SH3GL3: variants seen among roughly 807,000 people sequenced by gnomAD.
The protein encoded by SH3GL3 is SH3 domain containing GRB2 like 3, endophilin A3.
SH3GL3 carries 33 observed loss-of-function variants against 47.7 expected under a neutral mutation model. The observed-to-expected ratio is 0.69, with a 90% confidence interval of 0.52 to 0.92. The LOEUF (loss-of-function observed/expected upper bound fraction) is 0.92, where lower values mean the gene tolerates loss of function less well. SH3GL3 is among the 40% of genes least tolerant of loss of function. SH3GL3 has a pLI of 0.00. For synonymous variants in SH3GL3, 155 were observed against 148.8 expected (o/e 1.04, Z -0.30); for missense variants, 363 against 417.8 (o/e 0.87, Z 1.14).
At chr15:83,631,080 G>C in the SH3GL3 span, among the ~76,000 whole-genome samples, 1 of 152,140 alleles carries the variant, frequency 6.6e-6, no homozygotes, top group African/African-American at 2.4e-5. Context: ...AGGGGCTACA[G>C]GACCCATGCA....
chr15:83,459,470 G>A (rs976515538), intron 1 of SH3GL3, among the ~76,000 whole-genome samples: 1 of 152,128 alleles, frequency 6.6e-6, no homozygotes, highest in Admixed American at 6.5e-5. Flanking sequence ...TGTATAATTG[G>A]GTTGGCTGGG....
intron 4 of SH3GL3, among the ~76,000 whole-genome samples, chr15:83,572,352 T>C (rs2059564538): frequency 6.6e-6 from 1 of 152,200 alleles, no homozygotes; most frequent in African/African-American, 2.4e-5. Flanking sequence ...GTATTTTCTG[T>C]AGTGGTGAAA....
chr15:83,557,724 G>C (rs1449213905), intron 1 of SH3GL3, among the ~76,000 whole-genome samples: 1 of 152,190 alleles, frequency 6.6e-6, no homozygotes, highest in Non-Finnish European at 1.5e-5. Context: ...GGTAGCAACA[G>C]TGTTTCTAGA....
At chr15:83,599,340 C>T (rs1471823123) in intron 8 of SH3GL3, among the ~76,000 whole-genome samples, 2 of 152,104 alleles carry the variant, frequency 1.3e-5, no homozygotes, top group African/African-American at 2.4e-5. Flanking sequence ...GCCTTTTATC[C>T]CTTACCCCTT....
At chr15:83,497,369 C>T (rs1345536415) in intron 1 of SH3GL3, among the ~76,000 whole-genome samples, 2 of 152,124 alleles carry the variant, frequency 1.3e-5, no homozygotes, top group South Asian at 2.1e-4. Flanking sequence ...ACTCTGGACC[C>T]GAGCAGCTGA....
intron 5 of SH3GL3, among the ~76,000 whole-genome samples, 166 bp from the exon 6 acceptor site, chr15:83,576,417 G>A (rs894286211): frequency 5.9e-5 from 9 of 152,136 alleles, no homozygotes; most frequent in African/African-American, 2.2e-4. Context: ...TGAAGTGAGG[G>A]GAGCCTCCAT....
At chr15:83,464,099 A>G (rs1441671307) in intron 1 of SH3GL3, among the ~76,000 whole-genome samples, 1 of 151,828 alleles carries the variant, frequency 6.6e-6, no homozygotes, top group African/African-American at 2.4e-5. Flanking sequence ...AACCTATTCA[A>G]ATTGGCTTTC....
chr15:83,506,638 T>C (rs2042516351), intron 1 of SH3GL3, among the ~76,000 whole-genome samples: 1 of 152,254 alleles, frequency 6.6e-6, no homozygotes, highest in Admixed American at 6.5e-5. Flanking sequence ...TTGTTAGAAA[T>C]TAGTGTTCCC....
intron 1 of SH3GL3, among the ~76,000 whole-genome samples, chr15:83,473,855 CTT>C (rs369520024): frequency 7.9e-5 from 11 of 139,164 alleles, no homozygotes; most frequent in Non-Finnish European, 4.7e-5. Flanking sequence ...CCTGTTGGGG[CTT>C]TTTTTTTTTT....
chr15:83,599,100 ATTTAC>A (rs2060312556), intron 8 of SH3GL3, among the ~76,000 whole-genome samples: 1 of 152,028 alleles, frequency 6.6e-6, no homozygotes, highest in Non-Finnish European at 1.5e-5. Context: ...ATCTCTTCTT[ATTTAC>A]TTATTTTTTT....
At chr15:83,583,048 G>A (rs1231233235) in intron 6 of SH3GL3, among the ~76,000 whole-genome samples, 1 of 152,206 alleles carries the variant, frequency 6.6e-6, no homozygotes, top group Non-Finnish European at 1.5e-5. Flanking sequence ...TGATATGATA[G>A]AGCAAGAAAT....
chr15:83,575,618 G>C lies in SH3GL3; in HGVS notation c.466-965G>C, dbSNP rs187712905. On this transcript the variant is annotated intron_variant, in intron 5 of 8. Transcript: ENST00000427482. ...TTTCAGGTGTTCATGTAGAGGTACA[G>C]AGGGATTAGGGACCAGCCCAAAGTC... is the stretch of plus-strand genomic sequence containing the variant. Among the ~76,000 whole-genome samples the C allele has an allele frequency of 1.8e-4, 27 of 152,318 alleles. No homozygotes were observed. The East Asian group carries it at 2.5e-3, about 14-fold the overall frequency.
intron 1 of SH3GL3, among the ~76,000 whole-genome samples, chr15:83,468,072 T>C (rs968989179): frequency 1.1e-4 from 17 of 152,140 alleles, no homozygotes; most frequent in South Asian, 2.1e-4. Flanking sequence ...CCTTGTGATC[T>C]GCCCGCCTTG....
At chr15:83,628,403 C>G in the SH3GL3 span, among the ~76,000 whole-genome samples, 1 of 152,136 alleles carries the variant, frequency 6.6e-6, no homozygotes, top group African/African-American at 2.4e-5. Context: ...AAGTTTACAT[C>G]AATGTGATAA....
At chr15:83,542,185 A>G (rs973362795) in intron 1 of SH3GL3, among the ~76,000 whole-genome samples, 3 of 152,188 alleles carry the variant, frequency 2.0e-5, no homozygotes, top group Non-Finnish European at 4.4e-5. Flanking sequence ...TCTTCTGCAT[A>G]TGGATACCCA....
chr15:83,477,189 T>C (rs1220542696), intron 1 of SH3GL3, among the ~76,000 whole-genome samples: 2 of 152,206 alleles, frequency 1.3e-5, no homozygotes, highest in East Asian at 1.9e-4. Context: ...AGAAGCATTT[T>C]TGGGTTGCAG....
chr15:83,576,607 C>T lies in SH3GL3; in HGVS notation c.490C>T (p.Arg164Cys), dbSNP rs1463995796. Residue 164 changes from arginine to cysteine, a missense_variant, in exon 6 of 9, where the codon CGC (arginine) becomes TGC (cysteine). By Grantham distance (180) the Arg-to-Cys change is radical. Transcript: ENST00000427482. Reference sequence around the variant, plus strand: ...GCATCACCTGAAAAAGCTGGAAGGCCGCCGCCTGGATTACGATTATAAAAA... The same window carrying T: ...GCATCACCTGAAAAAGCTGGAAGGCTGCCGCCTGGATTACGATTATAAAAA... ...IGHHLKKLEG[R>C]RLDYDYKKKR... 1.9e-6 allele frequency: 3 copies of T among 1,610,036 alleles called. No homozygotes were observed. Among genetic ancestry groups the T allele is most frequent in the East Asian group, 2.2e-5 (1 of 44,872 alleles).
intron 1 of SH3GL3, among the ~76,000 whole-genome samples, chr15:83,536,059 A>G (rs1054784583): frequency 9.8e-5 from 15 of 152,360 alleles, no homozygotes; most frequent in African/African-American, 3.6e-4. Context: ...AAGTGAATAC[A>G]AGTAAATCCT....
intron 1 of SH3GL3, among the ~76,000 whole-genome samples, chr15:83,502,395 C>A (rs754847073): frequency 2.0e-5 from 3 of 152,184 alleles, no homozygotes; most frequent in African/African-American, 7.2e-5. Context: ...CAGGAGAGGC[C>A]GAGGCCTCCA....
Sources: gnomAD v4.1 joint callset for allele counts (sites outside exome capture counted in the v4.1 genomes callset) on GRCh38, gnomAD v4.1.1 for gene constraint, MANE v1.5 for transcripts, NCBI Gene and HGNC (gene_info 2026-07-23, HGNC 2026-07-21) for gene names.